CALCOCO2: variants seen among roughly 807,000 people sequenced by gnomAD.
CALCOCO2 encodes calcium-binding and coiled-coil domain-containing protein 2.
In CALCOCO2, 42 loss-of-function variants were observed where a neutral mutation model predicts 62.5. The ratio of observed to expected loss-of-function variants is 0.67; its 90% confidence interval spans 0.53 to 0.87. The LOEUF (loss-of-function observed/expected upper bound fraction) is 0.87. Among genes scored for constraint, CALCOCO2 ranks in the 40% least tolerant of loss-of-function variants. The pLI, the probability that CALCOCO2 is intolerant of heterozygous loss-of-function variation, is 0.00. For missense variants in CALCOCO2, 456 were observed against 515.0 expected, an observed-to-expected ratio of 0.89 and a Z score of 1.11; for synonymous variants, 167 against 173.0, an observed-to-expected ratio of 0.97 and a Z score of 0.27.
At chr17:48,836,747 C>T (rs967638618) in intron 1 of CALCOCO2, among the ~76,000 whole-genome samples, 9 of 149,794 alleles carry the variant, frequency 6.0e-5, no homozygotes, top group African/African-American at 9.8e-5. Context: ...GGGGCAGTCC[C>T]GGAAGTCACT....
intron 10 of CALCOCO2, among the ~76,000 whole-genome samples, chr17:48,858,695 T>TGG (rs538439174): frequency 5.4e-5 from 8 of 147,972 alleles, no homozygotes; most frequent in African/African-American, 2.0e-4. Flanking sequence ...AGTTTGATTG[T>TGG]GGGGGGGGGC....
intron 6 of CALCOCO2, 141 bp from the exon 7 acceptor site, chr17:48,851,417 CA>C: frequency 1.6e-6 from 1 of 640,268 alleles, no homozygotes. Flanking sequence ...GTCAGGAAGC[CA>C]AAACAGGACT....
In CALCOCO2 at chr17:48,851,550, C is replaced by G; in HGVS notation, c.633-9C>G. 6 of 1,541,424 alleles carry G rather than the reference C, an allele frequency of 3.9e-6. No individual in the cohort carries two copies. Among genetic ancestry groups the G allele is most frequent in the Non-Finnish European group, 4.5e-6 (5 of 1,113,542 alleles). On this transcript the variant is annotated splice_polypyrimidine_tract_variant and intron_variant, in intron 6 of 12. Coordinates refer to ENST00000258947, the MANE Select transcript of CALCOCO2 (RefSeq NM_005831.5). ...TGAATTTTTCACATAGTTATCTCCA[C>G]CTCTACAGACTGAAAGAACAAAACC...
rs1303703593 is a variant in CALCOCO2 at position 48,849,341 on chromosome 17, G to T, written c.507G>T (p.Gln169His). The T allele has an allele frequency of 1.2e-6, 2 of 1,613,698 alleles. No individual in the cohort carries two copies. Among genetic ancestry groups the T allele is most frequent in the East Asian group, 4.5e-5 (2 of 44,890 alleles). Residue 169 changes from glutamine (Q) to histidine (H), a missense_variant, in exon 5 of 13, where the codon CAG (glutamine) becomes CAT (histidine). Gln to His is a conservative substitution (Grantham distance 24). Coordinates refer to ENST00000258947, the MANE Select transcript of CALCOCO2 (RefSeq NM_005831.5). ...ACAGCTGTATCAGCCTCCAGAAGCA[G>T]AACTCAGACATGCAGGCTGAGCTCC... ...LKDSCISLQK[Q>H]NSDMQAELQK... is the part of the protein sequence containing the mutation.
At chr17:48,859,845 G>A (rs1474983083) in intron 10 of CALCOCO2, among the ~76,000 whole-genome samples, 10 of 151,884 alleles carry the variant, frequency 6.6e-5, no homozygotes, top group African/African-American at 1.7e-4. Flanking sequence ...CTGTAATCTC[G>A]ACACTTTGGG....
Position 48,848,100 on chromosome 17 carries a change from A to G in CALCOCO2, c.217A>G (p.Met73Val). The change falls in exon 3 of 13, where the codon ATG (methionine) becomes GTG (valine). Residue 73 changes from methionine (M) to valine (V), a missense_variant. Around this residue, in one of 3 missense-constraint regions of CALCOCO2, gnomAD observed 236 missense variants for 225.3 expected, o/e 1.05. Coordinates refer to ENST00000258947, the MANE Select transcript of CALCOCO2 (RefSeq NM_005831.5). Reference protein sequence around the residue: ...WKTTREYYTFMWVTLPIDLNN... With the variant: ...WKTTREYYTFVWVTLPIDLNN... ...GACAACCCGTGAGTATTACACCTTCATGTGGGTTACTTTGCCCATTGACCT... is the reference window on the plus strand; with the variant it reads ...GACAACCCGTGAGTATTACACCTTCGTGTGGGTTACTTTGCCCATTGACCT... 6.2e-7 allele frequency: 1 copy of G among 1,613,428 alleles called. No individual in the cohort carries two copies. The highest frequency in any genetic ancestry group is 8.5e-7 in the Non-Finnish European group (1 of 1,179,356).
intron 2 of CALCOCO2, among the ~76,000 whole-genome samples, chr17:48,843,681 AC>A (rs1454827096): frequency 1.3e-5 from 2 of 152,232 alleles, no homozygotes; most frequent in African/African-American, 4.8e-5. Context: ...GTGCCAACCC[AC>A]CAGAGTGTTT....
In CALCOCO2 at chr17:48,838,488, G is replaced by T. The variant is rs564342610; in HGVS notation, c.-10-3210G>T. 6.6e-5 allele frequency among the ~76,000 whole-genome samples: 10 copies of T among 152,212 alleles called. No homozygotes were observed. The South Asian group carries it at 1.9e-3, about 28-fold the overall frequency. ...CTAGCACTTTGGGAGGCCGAGGTGG[G>T]CTCATCACGAGGTTAGGAGATCGAG... On this transcript the variant is annotated intron_variant, in intron 1 of 12. Transcript: ENST00000258947.
At chr17:48,849,747 A>G (rs2040101672) in intron 5 of CALCOCO2, among the ~76,000 whole-genome samples, 1 of 151,520 alleles carries the variant, frequency 6.6e-6, no homozygotes, top group Admixed American at 6.6e-5. Flanking sequence ...CAGGTGATCC[A>G]CTCGCCTGAG....
At chr17:48,844,186 G>A (rs2040015062) in intron 2 of CALCOCO2, among the ~76,000 whole-genome samples, 1 of 151,922 alleles carries the variant, frequency 6.6e-6, no homozygotes, top group Non-Finnish European at 1.5e-5. Flanking sequence ...CCCGGCCTGA[G>A]TAACTGGATT....
chr17:48,864,477 T>C lies in CALCOCO2; in HGVS notation c.*1472T>C, dbSNP rs2040368372. On this transcript the variant is annotated 3_prime_UTR_variant, in exon 13 of 13. Transcript: ENST00000258947. The stretch of plus-strand genomic sequence containing the variant: ...ATGCGCTCTATCCAAATTTGCCTAA[T>C]TGAACTATAAGAAAGTAATAATTCC... The C allele has an allele frequency of 1.3e-5, 2 of 154,114 alleles. No individual in the cohort carries two copies. The highest frequency in any genetic ancestry group is 6.5e-5 in the Admixed American group (1 of 15,288). 9.5% of individuals were successfully genotyped at this position (154,114 alleles called of 1,614,324 possible).
intron 2 of CALCOCO2, among the ~76,000 whole-genome samples, chr17:48,847,380 G>A (rs145597238): frequency 6.6e-6 from 1 of 152,034 alleles, no homozygotes; most frequent in Admixed American, 6.6e-5. Flanking sequence ...AGAGGATCAG[G>A]GTTCATATTC....
At chr17:48,852,788 T>A in intron 8 of CALCOCO2, 138 bp from the exon 9 acceptor site, 2 of 979,396 alleles carry the variant, frequency 2.0e-6, no homozygotes, top group Non-Finnish European at 3.1e-6. Context: ...GCTCATGGCT[T>A]TCTTCAGAAA....
intron 5 of CALCOCO2, among the ~76,000 whole-genome samples, chr17:48,849,856 G>A (rs550023834): frequency 2.0e-5 from 3 of 151,974 alleles, no homozygotes; most frequent in East Asian, 3.9e-4. Flanking sequence ...AGGTACATTC[G>A]GTTAAATATA....
chr17:48,858,977 G>A lies in CALCOCO2; in HGVS notation c.1009-1337G>A, dbSNP rs149406630. ...GGAGAATCGCTTGAACCCGGGAAGT[G>A]GAAGGTTGCAGTGAGCTGAGATCGC... On this transcript the variant is annotated intron_variant, in intron 10 of 12. Coordinates refer to ENST00000258947, the MANE Select transcript of CALCOCO2 (RefSeq NM_005831.5). Among the ~76,000 whole-genome samples the A allele has an allele frequency of 4.5e-3, 640 of 141,570 alleles. 7 individuals are homozygous for A. Among genetic ancestry groups the A allele is most frequent in the African/African-American group, 0.014 (566 of 39,108 alleles). 92.9% of individuals were successfully genotyped at this position (141,570 alleles called of 152,430 possible).
intron 9 of CALCOCO2, among the ~76,000 whole-genome samples, chr17:48,853,495 G>A (rs2040162538): frequency 6.6e-6 from 1 of 152,134 alleles, no homozygotes; most frequent in African/African-American, 2.4e-5. Context: ...AGTCCCCAGG[G>A]CGTTGACAGG....
In CALCOCO2 at chr17:48,864,026, C is replaced by T. The variant is rs1325977719; in HGVS notation, c.*1021C>T. 1 of 148,730 alleles carries T rather than the reference C, an allele frequency of 6.7e-6. No homozygotes were observed. The highest frequency in any genetic ancestry group is 1.5e-5 in the Non-Finnish European group (1 of 67,364). 9.2% of individuals were successfully genotyped at this position (148,730 alleles called of 1,614,324 possible). On this transcript the variant is annotated 3_prime_UTR_variant, in exon 13 of 13. Coordinates refer to ENST00000258947, the MANE Select transcript of CALCOCO2 (RefSeq NM_005831.5). ...TGAGGTGGGGAAGGAGGTGATGAAA[C>T]ATTAGTTTGTGAAATCCAAGGCCCT...
intron 1 of CALCOCO2, among the ~76,000 whole-genome samples, chr17:48,833,536 G>T (rs2042785297): frequency 9.2e-6 from 1 of 108,534 alleles, no homozygotes; most frequent in Non-Finnish European, 1.8e-5. Context: ...AACAGAGAGA[G>T]ACTCTGTCTC....
At chr17:48,837,603 G>A (rs187067910) in intron 1 of CALCOCO2, among the ~76,000 whole-genome samples, 8 of 151,882 alleles carry the variant, frequency 5.3e-5, no homozygotes, top group Non-Finnish European at 4.4e-5. Flanking sequence ...CTGAGATACC[G>A]CCACTGCACT....
Sources: allele counts gnomAD v4.1 joint callset (sites outside exome capture counted in the v4.1 genomes callset), GRCh38; gene constraint gnomAD v4.1.1; regional missense constraint gnomAD v4.1.1; transcripts MANE v1.5; gene names NCBI Gene and HGNC (gene_info 2026-07-23, HGNC 2026-07-21).